Variants in CABIN1 observed in about 807,000 individuals in gnomAD.
CABIN1 encodes calcineurin-binding protein cabin-1.
CABIN1 carries 133 observed loss-of-function variants against 227.7 expected under a neutral mutation model. That is an observed-to-expected ratio of 0.58 (90% CI 0.51 to 0.67). The LOEUF (loss-of-function observed/expected upper bound fraction) is 0.67. CABIN1 is among the 30% of genes least tolerant of loss of function. The pLI is 0.00. For synonymous variants in CABIN1, 1,086 were observed against 1,155.1 expected, an observed-to-expected ratio of 0.94 and a Z score of 1.21; for missense variants, 2,408 against 2,852.5, an observed-to-expected ratio of 0.84 and a Z score of 3.55.
At chr22:24,072,617 C>G in intron 18 of CABIN1, 107 bp downstream of exon 18, 2 of 1,299,686 alleles carry the variant, frequency 1.5e-6, no homozygotes, top group Non-Finnish European at 2.2e-6. Flanking sequence ...GAGTGGGGCT[C>G]AGTCCTCTCA....
intron 28 of CABIN1, 70 bp downstream of exon 28, chr22:24,119,768 G>A (rs1338020308): frequency 8.6e-6 from 12 of 1,389,862 alleles, no homozygotes; most frequent in African/African-American, 2.8e-5. Context: ...AGGTTGGTGG[G>A]CAGAGCTAAG....
At chr22:24,117,795 G>A (rs1358779032) in intron 27 of CABIN1, among the ~76,000 whole-genome samples, 15 of 151,174 alleles carry the variant, frequency 9.9e-5, no homozygotes, top group Admixed American at 9.9e-4. Context: ...ACCGCTGAGA[G>A]GCCTGCATCA....
intron 26 of CABIN1, 137 bp from the exon 27 acceptor site, chr22:24,113,429 C>A: frequency 1.2e-6 from 1 of 833,758 alleles, no homozygotes; most frequent in Non-Finnish European, 2.1e-6. Flanking sequence ...CCAGCAGTGT[C>A]GAATGGCTGT....
intron 26 of CABIN1, among the ~76,000 whole-genome samples, chr22:24,107,392 A>G (rs2042575492): frequency 6.6e-6 from 1 of 152,182 alleles, no homozygotes; most frequent in Non-Finnish European, 1.5e-5. Flanking sequence ...AGATTCTCAC[A>G]TCTGTGTCTG....
At chr22:24,047,712 C>G (rs1319272916) in intron 6 of CABIN1, among the ~76,000 whole-genome samples, 1 of 152,262 alleles carries the variant, frequency 6.6e-6, no homozygotes, top group Admixed American at 6.5e-5. Context: ...TCTCCTCTCC[C>G]AAGGCTTCCA....
Position 24,177,719 on chromosome 22 carries a change from G to T in CABIN1, c.6421G>T (p.Ala2141Ser), listed in dbSNP as rs780211036. ...GCCAAAGCTGGTCATCCCCTCCGCCGCCACCAAGTTCCCCCCTGAGATCAC... is the reference window on the plus strand; with the variant it reads ...GCCAAAGCTGGTCATCCCCTCCGCCTCCACCAAGTTCCCCCCTGAGATCAC... ...NMPKLVIPSA[A>S]TKFPPEITVT... The change falls in exon 36 of 37, where the codon GCC (alanine) becomes TCC (serine). Residue 2141 changes from alanine (A) to serine (S), a missense_variant. Transcript: ENST00000263119. The surrounding 1 kb of genome is among the most constrained non-coding windows in gnomAD (Gnocchi z 4.4). 7 of 1,612,610 alleles carry T rather than the reference G, an allele frequency of 4.3e-6. No individual in the cohort carries two copies. The highest frequency in any genetic ancestry group is 5.1e-6 in the Non-Finnish European group (6 of 1,178,932).
intron 10 of CABIN1, among the ~76,000 whole-genome samples, chr22:24,057,624 C>T (rs1166077880): frequency 2.0e-5 from 3 of 152,156 alleles, no homozygotes; most frequent in Non-Finnish European, 4.4e-5. Flanking sequence ...TCAGTGGTAA[C>T]AACATCAAAG....
At chr22:24,160,010 TC>T (rs1279844468) in intron 29 of CABIN1, among the ~76,000 whole-genome samples, 2 of 152,160 alleles carry the variant, frequency 1.3e-5, no homozygotes, top group African/African-American at 2.4e-5. Flanking sequence ...AATTTCTTGT[TC>T]CTCTGAGTGT....
In CABIN1 at chr22:24,135,782, T is replaced by G. The variant is rs527512404; in HGVS notation, c.4746+1367T>G. ...GGGCAGAGGTGGCCTGAACAGGAGC[T>G]GAGGAGAGCAGGTTTCAGGTCTGGA... On this transcript the variant is annotated intron_variant, in intron 29 of 36. Transcript: ENST00000263119. Among the ~76,000 whole-genome samples, 17 of 152,318 alleles carry G rather than the reference T, an allele frequency of 1.1e-4. No individual in the cohort carries two copies. The South Asian group carries it at 2.5e-3, about 22-fold the overall frequency.
chr22:24,072,276 C>G (rs1236814165), intron 17 of CABIN1, 78 bp from the exon 18 acceptor site: 2 of 1,528,464 alleles, frequency 1.3e-6, no homozygotes, highest in East Asian at 4.5e-5. Flanking sequence ...CCCCAAGAGG[C>G]CTCCTGCCTC....
chr22:24,154,279 G>A lies in CABIN1; in HGVS notation c.4747-10121G>A, dbSNP rs5760223. On this transcript the variant is annotated intron_variant, in intron 29 of 36. Coordinates refer to ENST00000263119, the MANE Select transcript of CABIN1 (RefSeq NM_012295.4). ...AGGTGTGAGTGTCGCTTTGGTCCTC[G>A]TGTCTGCTACAGCCCTGTGGACAGC... Among the ~76,000 whole-genome samples the A allele has an allele frequency of 9.8e-5, 15 of 152,290 alleles. No individual in the cohort carries two copies. The East Asian group carries it at 1.3e-3, about 14-fold the overall frequency.
At chr22:24,138,829 G>A (rs1219340824) in intron 29 of CABIN1, among the ~76,000 whole-genome samples, 1 of 152,162 alleles carries the variant, frequency 6.6e-6, no homozygotes, top group East Asian at 1.9e-4. Flanking sequence ...AAAAGATTAT[G>A]ATCTAAACCC....
intron 3 of CABIN1, among the ~76,000 whole-genome samples, chr22:24,037,261 A>G (rs78646830): frequency 6.9e-6 from 1 of 144,092 alleles, no homozygotes; most frequent in African/African-American, 2.5e-5. Flanking sequence ...CCCCGTCTCA[A>G]AAAAAAAAAA....
In CABIN1 at chr22:24,176,095, GC is replaced by G. The variant is rs1556011858; in HGVS notation, c.6041-13del. The G allele has an allele frequency of 1.9e-5, 31 of 1,607,742 alleles. No individual in the cohort carries two copies. Among genetic ancestry groups the G allele is most frequent in the Non-Finnish European group, 2.5e-5 (29 of 1,177,646 alleles). On this transcript the variant is annotated splice_polypyrimidine_tract_variant and intron_variant, in intron 34 of 36. Coordinates refer to ENST00000263119, the MANE Select transcript of CABIN1 (RefSeq NM_012295.4). ...TGGATGAGTCTATTACCTGCAGTGA[GC>G]CCATGTCCCCACAGAGGGAGAAGAG...
intron 29 of CABIN1, among the ~76,000 whole-genome samples, chr22:24,146,858 C>A (rs1344904264): frequency 6.6e-6 from 1 of 152,104 alleles, no homozygotes; most frequent in Non-Finnish European, 1.5e-5. Context: ...CCATGGAATC[C>A]CCATGACCAT....
Position 24,091,648 on chromosome 22 carries a change from C to T in CABIN1, c.3591C>T (p.Cys1197=), listed in dbSNP as rs762758351. Residue 1197 remains cysteine, a synonymous_variant, in exon 24 of 37, where the codon TGC becomes TGT. Transcript: ENST00000263119. ...ACTGTTTCACATCAGCAGCCCGCTG[C>T]GAGGGTGATGGTGACGAGGAGGAGT... ...AKHCFTSAAR[C]EGDGDEEEWL... is the part of the protein sequence containing the mutation. 11 of 1,614,198 alleles carry T rather than the reference C, an allele frequency of 6.8e-6. No individual in the cohort carries two copies. Among genetic ancestry groups the T allele is most frequent in the African/African-American group, 2.7e-5 (2 of 75,058 alleles).
intron 29 of CABIN1, among the ~76,000 whole-genome samples, chr22:24,151,156 GGCTAACCCAT>G (rs1277421314): frequency 1.9e-4 from 29 of 152,128 alleles, no homozygotes; most frequent in African/African-American, 7.0e-4. Flanking sequence ...CTCGTGGTCA[GGCTAACCCAT>G]GCTACCAGAG....
At chr22:24,060,536 A>T (rs1427464624) in intron 12 of CABIN1, among the ~76,000 whole-genome samples, 2 of 152,270 alleles carry the variant, frequency 1.3e-5, no homozygotes, top group East Asian at 3.9e-4. Flanking sequence ...ACTGAGTCAC[A>T]GGAAGCCTTG....
At position 24,134,382 on chromosome 22, in the gene CABIN1, C is replaced by T. The variant is rs1401479621; in HGVS notation, c.4713C>T (p.Leu1571=). The change falls in exon 29 of 37, where the codon CTC becomes CTT. Residue 1571 remains leucine (L), a synonymous_variant. Coordinates refer to ENST00000263119, the MANE Select transcript of CABIN1 (RefSeq NM_012295.4). ...QQLQHMPAQG[L]FCERNKTNFF... The stretch of plus-strand genomic sequence containing the variant: ...TGCAGCACATGCCGGCACAGGGGCT[C>T]TTCTGCGAGAGGAACAAGACCAATT... The T allele has an allele frequency of 1.2e-6, 2 of 1,614,148 alleles. No individual in the cohort carries two copies. The highest frequency in any genetic ancestry group is 1.1e-5 in the South Asian group (1 of 91,086).
Sources: allele counts gnomAD v4.1 joint callset (sites outside exome capture counted in the v4.1 genomes callset), GRCh38; gene constraint gnomAD v4.1.1; non-coding constraint Gnocchi (gnomAD v3.1); transcripts MANE v1.5; gene names NCBI Gene and HGNC (gene_info 2026-07-23, HGNC 2026-07-21).